The following ABR variants were observed in gnomAD, a reference collection of about 807,000 sequenced individuals.
ABR encodes the protein active breakpoint cluster region-related protein.
Under a neutral mutation model 107.2 loss-of-function variants are expected in ABR, and 35 were observed. The observed-to-expected ratio is 0.33, with a 90% CI of 0.25 to 0.43. The LOEUF (loss-of-function observed/expected upper bound fraction) is 0.43. ABR is among the 20% of genes least tolerant of loss of function. ABR has a pLI of 1.00. For missense variants in ABR, 815 were observed against 1,115.2 expected (o/e 0.73, Z 3.83); for synonymous variants, 498 against 462.0 (o/e 1.08, Z -1.00).
chr17:1,081,364 T>G (rs2036226711), intron 5 of ABR, among the ~76,000 whole-genome samples: 1 of 149,032 alleles, frequency 6.7e-6, no homozygotes, highest in Non-Finnish European at 1.5e-5. Context: ...CGTGAGCCAC[T>G]GCACCTGGCC....
At chr17:1,052,423 C>G (rs1287059372) in intron 14 of ABR, among the ~76,000 whole-genome samples, 1 of 33,826 alleles carries the variant, frequency 3.0e-5, no homozygotes, top group South Asian at 1.8e-3. Context: ...CCGGAAGGGG[C>G]TGGGGGAGGG....
In ABR at chr17:1,016,477, C is replaced by A. The variant is rs530672734; in HGVS notation, c.1792-3313G>T. Among the ~76,000 whole-genome samples, 264 of 152,020 alleles carry A rather than the reference C, an allele frequency of 1.7e-3. 4 individuals are homozygous for A. The highest frequency in any genetic ancestry group is 6.2e-3 in the African/African-American group (257 of 41,368). On this transcript the variant is annotated intron_variant, in intron 16 of 22. Coordinates refer to ENST00000302538, the MANE Select transcript of ABR (RefSeq NM_021962.5). ...GATTACAGGTGCCTGCCACCACGCC[C>A]AGCTAATTTTTTATTTGTAGTGGAG... is the stretch of plus-strand genomic sequence containing the variant.
chr17:1,223,169 A>C (rs973777199), intron 1 of ABR, among the ~76,000 whole-genome samples: 2 of 151,688 alleles, frequency 1.3e-5, no homozygotes, highest in Non-Finnish European at 2.9e-5. Flanking sequence ...GCCATTACAC[A>C]CCAGCCGGGG....
chr17:1,126,637 G>A, intron 1 of ABR: 1 of 152,448 alleles, frequency 6.6e-6, no homozygotes, highest in African/African-American at 2.4e-5. Context: ...TCCCTGGCCA[G>A]GCATCTTCGG....
chr17:1,141,907 C>T (rs931551419), intron 1 of ABR, among the ~76,000 whole-genome samples: 3 of 151,838 alleles, frequency 2.0e-5, no homozygotes, highest in African/African-American at 4.8e-5. Context: ...TACAGGTGCC[C>T]GCCACCACGC....
At chr17:1,093,255 G>A (rs1297530781) in intron 3 of ABR, among the ~76,000 whole-genome samples, 1 of 151,988 alleles carries the variant, frequency 6.6e-6, no homozygotes, top group African/African-American at 2.4e-5. Context: ...GATCACCTGA[G>A]GCCAGGAGTT....
At chr17:1,162,643 G>A (rs1186517153) in intron 1 of ABR, among the ~76,000 whole-genome samples, 1 of 152,076 alleles carries the variant, frequency 6.6e-6, no homozygotes, top group Non-Finnish European at 1.5e-5. Context: ...CTTCCTGACG[G>A]GCCCTAATGG....
In ABR at chr17:1,078,408, C is replaced by T. The variant is rs890773729; in HGVS notation, c.700+922G>A. ...GGCACCCTCTCGGCTGGCAACGCCG[C>T]CGTCCGGACCATCGCCACCCATCGC... On this transcript the variant is annotated intron_variant, in intron 6 of 22. Transcript: ENST00000302538. This position sits in a 1 kb window ranked among gnomAD's most constrained non-coding sequence, Gnocchi z 7.5. Among the ~76,000 whole-genome samples, 14 of 152,178 alleles carry T rather than the reference C, an allele frequency of 9.2e-5. No individual in the cohort carries two copies. Among genetic ancestry groups the T allele is most frequent in the Non-Finnish European group, 1.3e-4 (9 of 68,026 alleles).
Position 1,078,299 on chromosome 17 carries a change from G to A in ABR, c.700+1031C>T, listed in dbSNP as rs2586239. On this transcript the variant is annotated intron_variant, in intron 6 of 22. Transcript: ENST00000302538. The surrounding 1 kb of genome is among the most constrained non-coding windows in gnomAD (Gnocchi z 7.5). ...CCTCCGCCTACTGCTGCATGTGCGC[G>A]GAGCACACAATACCGTGCCGCCCAG... Among the ~76,000 whole-genome samples, 1,105 of 152,140 alleles carry A rather than the reference G, an allele frequency of 7.3e-3. 12 individuals carry two copies. The highest frequency in any genetic ancestry group is 0.025 in the African/African-American group (1,033 of 41,480).
intron 1 of ABR, among the ~76,000 whole-genome samples, chr17:1,166,222 A>G (rs969875211): frequency 7.9e-5 from 12 of 152,056 alleles, no homozygotes; most frequent in African/African-American, 2.9e-4. Flanking sequence ...GTCTGACTCC[A>G]CGCGGCTGCA....
chr17:1,088,533 A>G (rs567721289), intron 4 of ABR, among the ~76,000 whole-genome samples: 2 of 151,796 alleles, frequency 1.3e-5, no homozygotes, highest in East Asian at 1.9e-4. Context: ...AGTACTTATT[A>G]ATTTATGATG....
intron 1 of ABR, among the ~76,000 whole-genome samples, chr17:1,176,900 A>G (rs1041689291): frequency 6.6e-6 from 1 of 151,978 alleles, no homozygotes; most frequent in Non-Finnish European, 1.5e-5. Context: ...AAAGAAAGAG[A>G]AAGTGACTAT....
At chr17:1,091,274 G>A (rs2037004710) in intron 4 of ABR, among the ~76,000 whole-genome samples, 1 of 152,024 alleles carries the variant, frequency 6.6e-6, no homozygotes, top group Non-Finnish European at 1.5e-5. Context: ...TGGTTCCTCA[G>A]AGCACCCTCC....
chr17:1,085,617 C>T (rs1002131555), intron 4 of ABR, among the ~76,000 whole-genome samples: 3 of 152,126 alleles, frequency 2.0e-5, no homozygotes, highest in South Asian at 2.1e-4. Context: ...TCAGTGCAGT[C>T]GCCACCAGCT....
intron 3 of ABR, among the ~76,000 whole-genome samples, chr17:1,096,610 T>C (rs975987036): frequency 6.6e-6 from 1 of 152,208 alleles, no homozygotes; most frequent in Non-Finnish European, 1.5e-5. Flanking sequence ...CAGCGAGTTC[T>C]TCCTTTGCTC....
At chr17:1,032,903 A>G (rs2072921079) in intron 16 of ABR, among the ~76,000 whole-genome samples, 1 of 152,160 alleles carries the variant, frequency 6.6e-6, no homozygotes, top group South Asian at 2.1e-4. Context: ...CACCGTGGCA[A>G]CCGCGAACCA....
Position 1,007,189 on chromosome 17 carries a change from G to C in ABR, c.2466C>G (p.Ile822Met). ...SKAHLTSAADIWSHDVMAQVQ... is the reference protein window; with the variant it reads ...SKAHLTSAADMWSHDVMAQVQ... ...CCTGCGCCATGACGTCATGGGACCA[G>C]ATGTCCGCAGCCGAGGTGAGGTGTG... is the stretch of plus-strand genomic sequence containing the variant. Residue 822 changes from isoleucine (I) to methionine (M), a missense_variant, in exon 22 of 23, where the codon ATC becomes ATG. This residue lies in a region of ABR where 175 missense variants were observed against 284.3 expected (regional missense o/e 0.62). Transcript: ENST00000302538. 6.2e-7 allele frequency: 1 copy of C among 1,613,912 alleles called. No individual in the cohort carries two copies.
At chr17:1,018,201 C>T (rs893363212) in intron 16 of ABR, among the ~76,000 whole-genome samples, 12 of 152,036 alleles carry the variant, frequency 7.9e-5, no homozygotes, top group Non-Finnish European at 1.3e-4. Flanking sequence ...CGCCACCACC[C>T]CCGGCTAATT....
chr17:1,147,364 GT>G (rs553493542), intron 1 of ABR, among the ~76,000 whole-genome samples: 136 of 141,618 alleles, frequency 9.6e-4, no homozygotes, highest in African/African-American at 1.0e-3. Context: ...GGTTTTGGTT[GT>G]TTTTTTTTTT....
Sources: gnomAD v4.1 joint callset for allele counts (sites outside exome capture counted in the v4.1 genomes callset) on GRCh38, gnomAD v4.1.1 for gene constraint, gnomAD v4.1.1 regional missense constraint, Gnocchi (gnomAD v3.1) non-coding constraint, MANE v1.5 for transcripts, NCBI Gene and HGNC (gene_info 2026-07-23, HGNC 2026-07-21) for gene names.